The following ZNF555 variants were observed in gnomAD, a reference collection of about 807,000 sequenced individuals.
The protein encoded by ZNF555 is zinc finger protein 555.
A neutral mutation model predicts 14.0 loss-of-function variants in ZNF555; 10 were observed. That is an observed-to-expected ratio of 0.72 (90% CI 0.44 to 1.21). ZNF555 has a LOEUF of 1.21. ZNF555 is among the 50% of genes most tolerant of loss of function. The probability of loss-of-function intolerance (pLI) is 0.00; values close to 1 mark genes in which losing one functional copy is unlikely to be tolerated. For synonymous variants in ZNF555, 277 were observed against 262.4 expected (o/e 1.06, Z -0.54); for missense variants, 747 against 762.0 (o/e 0.98, Z 0.23).
chr19:2,850,850 T>TGTTTTTCCATG, intron 2 of ZNF555, 137 bp downstream of exon 2: 2 of 1,081,642 alleles, frequency 1.8e-6, no homozygotes, highest in Non-Finnish European at 2.7e-6. Flanking sequence ...ACAGCTGTCA[T>TGTTTTTCCATG]AGAGCTAGAA....
At position 2,854,169 on chromosome 19, in the gene ZNF555, T is replaced by A; in HGVS notation, c.*217T>A. ...TTTTTAATATGCAAGTAGGTTCAAG[T>A]TTTATTTAATTTCTTAAATTGTAAC... On this transcript the variant is annotated 3_prime_UTR_variant, in exon 4 of 4. Coordinates refer to ENST00000334241, the MANE Select transcript of ZNF555 (RefSeq NM_152791.5). The A allele has an allele frequency of 1.8e-6, 1 of 550,022 alleles. No homozygotes were observed. Among genetic ancestry groups the A allele is most frequent in the Non-Finnish European group, 3.1e-6 (1 of 319,108 alleles). 34.1% of individuals were successfully genotyped at this position (550,022 alleles called of 1,614,324 possible). A position where few individuals can be genotyped will look rare whatever the true frequency, so the allele number is the denominator to read the frequency against.
intron 1 of ZNF555, 44 bp from the exon 2 acceptor site, chr19:2,850,543 C>A: frequency 6.2e-7 from 1 of 1,603,194 alleles, no homozygotes; most frequent in Non-Finnish European, 8.5e-7. Flanking sequence ...CTCCTGGGCT[C>A]TCGGTCTCAA....
rs2144856226 is a variant in ZNF555 at position 2,852,972 on chromosome 19, A to G, written c.907A>G (p.Met303Val). 4 of 1,614,254 alleles carry G rather than the reference A, an allele frequency of 2.5e-6. No homozygotes were observed. The East Asian group carries it at 8.9e-5, about 36-fold the overall frequency. Residue 303 changes from methionine (M) to valine (V), a missense_variant, in exon 4 of 4, where the codon ATG (methionine) becomes GTG (valine). Transcript: ENST00000334241. Reference protein sequence around the residue: ...FSYSSTFRRHMISHTGEKPHK... With the variant: ...FSYSSTFRRHVISHTGEKPHK... Reference sequence around the variant, plus strand: ...TTATTCCTCAACTTTTCGAAGACATATGATTTCACACACTGGAGAGAAGCC... The same window carrying G: ...TTATTCCTCAACTTTTCGAAGACATGTGATTTCACACACTGGAGAGAAGCC...
chr19:2,849,387 A>G (rs563980979), intron 1 of ZNF555, among the ~76,000 whole-genome samples: 166 of 152,224 alleles, frequency 1.1e-3, no homozygotes, highest in African/African-American at 3.8e-3. Flanking sequence ...TATGTCTTTT[A>G]TAACCATTGA....
intron 1 of ZNF555, among the ~76,000 whole-genome samples, chr19:2,849,598 C>T (rs1200402444): frequency 6.6e-6 from 1 of 151,042 alleles, no homozygotes; most frequent in African/African-American, 2.4e-5. Flanking sequence ...AATTTTCGTG[C>T]CTCAGCCTCC....
In ZNF555 at chr19:2,859,986, T is replaced by G. The variant is rs2087718474; in HGVS notation, c.*6034T>G. ...CAAAATATCCTTGTTCCCTTGAAGC[T>G]AATGTCGTAGGGGCCCAAAACAAAG... On this transcript the variant is annotated 3_prime_UTR_variant, in exon 4 of 4. Transcript: ENST00000334241. 1 of 148,910 alleles carries G rather than the reference T, an allele frequency of 6.7e-6. No individual in the cohort carries two copies. The highest frequency in any genetic ancestry group is 2.5e-5 in the African/African-American group (1 of 40,556). The allele number at this position is 148,910 out of a possible 1,614,324, so 9.2% of individuals were successfully genotyped here. A position where few individuals can be genotyped will look rare whatever the true frequency, so the allele number is the denominator to read the frequency against.
In ZNF555 at chr19:2,854,465, G is replaced by A. The variant is rs979607212; in HGVS notation, c.*513G>A. The A allele has an allele frequency of 6.3e-6, 1 of 158,934 alleles. No individual in the cohort carries two copies. The highest frequency in any genetic ancestry group is 2.4e-5 in the African/African-American group (1 of 41,462). The allele number at this position is 158,934 out of a possible 1,614,324, so 9.8% of individuals were successfully genotyped here. A position where few individuals can be genotyped will look rare whatever the true frequency, so the allele number is the denominator to read the frequency against. ...TGATGTGACGGAGAAATCCAGAGTT[G>A]CAGATAGTTCTTCTGCATTGTTGTC... On this transcript the variant is annotated 3_prime_UTR_variant, in exon 4 of 4. Transcript: ENST00000334241.
intron 1 of ZNF555, among the ~76,000 whole-genome samples, chr19:2,844,747 C>T (rs1451142579): frequency 3.3e-5 from 5 of 152,348 alleles, no homozygotes; most frequent in African/African-American, 4.8e-5. Flanking sequence ...ACTTTGCAGG[C>T]AGGACTTTCT....
At position 2,856,986 on chromosome 19, in the gene ZNF555, A is replaced by G. The variant is rs1416071197; in HGVS notation, c.*3034A>G. 1 of 152,240 alleles carries G rather than the reference A, an allele frequency of 6.6e-6. No homozygotes were observed. The highest frequency in any genetic ancestry group is 1.5e-5 in the Non-Finnish European group (1 of 68,042). 9.4% of individuals were successfully genotyped at this position (152,240 alleles called of 1,614,324 possible). A position where few individuals can be genotyped will look rare whatever the true frequency, so the allele number is the denominator to read the frequency against. ...AACGAGAAAATTTTTCATGTGTTTT[A>G]TAGGCCAAGGAGGCAGAAGCTTTTG... On this transcript the variant is annotated 3_prime_UTR_variant, in exon 4 of 4. Transcript: ENST00000334241.
rs557630264 is a variant in ZNF555, at chr19:2,853,384, G to A, written c.1319G>A (p.Arg440Gln). Residue 440 changes from arginine to glutamine, a missense_variant, in exon 4 of 4, where the codon CGA becomes CAA. Physicochemically the swap from Arg to Gln is conservative, Grantham distance 43. Transcript: ENST00000334241. ...ACTTTCAATTGGCCCATATCTTTAC[G>A]AAAACATATGAGAACACATACTAGA... ...GKTFNWPISL[R>Q]KHMRTHTREK... 49 of 1,613,948 alleles carry A rather than the reference G, an allele frequency of 3.0e-5. No individual in the cohort carries two copies. The highest frequency in any genetic ancestry group is 2.5e-4 in the East Asian group (11 of 44,870).
rs1450974737 is a variant in ZNF555, at chr19:2,854,779, G to A, written c.*827G>A. ...TGTGTCAGAGGTGTAGTCTTCCTCAGACATCTCCATTAACTTGATATTAGG... is the reference window on the plus strand; with the variant it reads ...TGTGTCAGAGGTGTAGTCTTCCTCAAACATCTCCATTAACTTGATATTAGG... On this transcript the variant is annotated 3_prime_UTR_variant, in exon 4 of 4. Coordinates refer to ENST00000334241, the MANE Select transcript of ZNF555 (RefSeq NM_152791.5). 6.6e-6 allele frequency: 1 copy of A among 152,106 alleles called. No individual in the cohort carries two copies. The highest frequency in any genetic ancestry group is 1.5e-5 in the Non-Finnish European group (1 of 68,034). 9.4% of individuals were successfully genotyped at this position (152,106 alleles called of 1,614,324 possible).
chr19:2,853,621 G>C lies in ZNF555; in HGVS notation c.1556G>C (p.Trp519Ser). The change falls in exon 4 of 4, where the codon TGG becomes TCG. Residue 519 changes from tryptophan to serine, a missense_variant. Trp to Ser is a radical substitution (Grantham distance 177). Coordinates refer to ENST00000334241, the MANE Select transcript of ZNF555 (RefSeq NM_152791.5). Reference sequence around the variant, plus strand: ...AAGCAGTGTGGGAAAGCTTTCAGTTGGCCTGAACTTTTGCAACAACATGTG... The same window carrying C: ...AAGCAGTGTGGGAAAGCTTTCAGTTCGCCTGAACTTTTGCAACAACATGTG... ...KCKQCGKAFS[W>S]PELLQQHVRT... 1 of 1,606,132 alleles carries C rather than the reference G, an allele frequency of 6.2e-7. No homozygotes were observed. The highest frequency in any genetic ancestry group is 8.5e-7 in the Non-Finnish European group (1 of 1,175,992).
rs776149513 is a variant in ZNF555, at chr19:2,853,717, T to A, written c.1652T>A (p.Leu551Ter). ...AAGGTCTTCAAATGGCCATCATCTT[T>A]ACCAATACATATGAGACTGCACACT... ...CGKVFKWPSSLPIHMRLHTGE... is the reference protein window; with the variant it reads ...CGKVFKWPSS Residue 551 changes from leucine (L) to a stop codon, truncating the protein, a stop_gained, in exon 4 of 4, where the codon TTA (leucine) becomes TAA (stop). Coordinates refer to ENST00000334241, the MANE Select transcript of ZNF555 (RefSeq NM_152791.5). LOFTEE classifies it low-confidence loss of function (END_TRUNC). 6.3e-7 allele frequency: 1 copy of A among 1,583,046 alleles called. No individual in the cohort carries two copies. The highest frequency in any genetic ancestry group is 8.6e-7 in the Non-Finnish European group (1 of 1,165,612).
At position 2,856,019 on chromosome 19, in the gene ZNF555, A is replaced by C. The variant is rs1223758387; in HGVS notation, c.*2067A>C. On this transcript the variant is annotated 3_prime_UTR_variant, in exon 4 of 4. Transcript: ENST00000334241. ...GTAAAAATTTTAGGAGACCCAATTC[A>C]ACCCATAACACTAAGAAATGTTATT... 2.6e-5 allele frequency: 4 copies of C among 152,198 alleles called. No homozygotes were observed. The highest frequency in any genetic ancestry group is 5.9e-5 in the Non-Finnish European group (4 of 68,034). 9.4% of individuals were successfully genotyped at this position (152,198 alleles called of 1,614,324 possible).
intron 1 of ZNF555, 85 bp downstream of exon 1, chr19:2,841,660 G>A: frequency 2.9e-6 from 4 of 1,381,704 alleles, no homozygotes; most frequent in Non-Finnish European, 3.8e-6. Flanking sequence ...GGAGCTGAGG[G>A]ACGCGGGGGG....
intron 1 of ZNF555, among the ~76,000 whole-genome samples, chr19:2,844,711 G>A (rs1433880287): frequency 6.6e-6 from 1 of 152,208 alleles, no homozygotes; most frequent in Non-Finnish European, 1.5e-5. Context: ...CCCAAATCCA[G>A]GCTAGCTTAT....
In ZNF555 at chr19:2,859,605, T is replaced by C. The variant is rs2087714777; in HGVS notation, c.*5653T>C. ...GAGCTCAGTCTTAGAATATGAGCCGTGTCAGGGGCTACAGCATCATCACTC... is the reference window on the plus strand; with the variant it reads ...GAGCTCAGTCTTAGAATATGAGCCGCGTCAGGGGCTACAGCATCATCACTC... On this transcript the variant is annotated 3_prime_UTR_variant, in exon 4 of 4. Transcript: ENST00000334241. 1 of 152,166 alleles carries C rather than the reference T, an allele frequency of 6.6e-6. No homozygotes were observed. The highest frequency in any genetic ancestry group is 1.9e-4 in the East Asian group (1 of 5,186). 9.4% of individuals were successfully genotyped at this position (152,166 alleles called of 1,614,324 possible).
At chr19:2,846,517 TAG>T (rs1413920909) in intron 1 of ZNF555, among the ~76,000 whole-genome samples, 3 of 152,190 alleles carry the variant, frequency 2.0e-5, no homozygotes, top group African/African-American at 7.2e-5. Context: ...TTTCCTGAAT[TAG>T]AGTCCTGTTC....
Position 2,853,468 on chromosome 19 carries a change from G to C in ZNF555, c.1403G>C (p.Arg468Pro), listed in dbSNP as rs746071785. 3 of 1,613,956 alleles carry C rather than the reference G, an allele frequency of 1.9e-6. No individual in the cohort carries two copies. In the Admixed American group the frequency reaches 5.0e-5, roughly 27 times the overall value. The change falls in exon 4 of 4, where the codon CGA becomes CCA. Residue 468 changes from arginine (R) to proline (P), a missense_variant. Transcript: ENST00000334241. ...GKAFSLSACF[R>P]EHVRMHPEDK... ...GCCTTCAGCTTGTCTGCTTGCTTTCGAGAACATGTGAGAATGCACCCTGAA... is the reference window on the plus strand; with the variant it reads ...GCCTTCAGCTTGTCTGCTTGCTTTCCAGAACATGTGAGAATGCACCCTGAA...
Sources: allele counts gnomAD v4.1 joint callset (sites outside exome capture counted in the v4.1 genomes callset), GRCh38; gene constraint gnomAD v4.1.1; transcripts MANE v1.5; gene names NCBI Gene and HGNC (gene_info 2026-07-23, HGNC 2026-07-21).